The following CDK5RAP2 variants were observed in gnomAD, a reference collection of about 807,000 sequenced individuals.
CDK5RAP2 encodes CDK5 regulatory subunit-associated protein 2.
Under a neutral mutation model 232.9 loss-of-function variants are expected in CDK5RAP2, and 147 were observed. That is an observed-to-expected ratio of 0.63 (90% CI 0.55 to 0.72). The LOEUF is 0.72. Among genes scored for constraint, CDK5RAP2 ranks in the 30% least tolerant of loss-of-function variants. The pLI is 0.00. For missense variants in CDK5RAP2, 2,195 were observed against 2,231.5 expected, an observed-to-expected ratio of 0.98 and a Z score of 0.33; for synonymous variants, 833 against 833.7, an observed-to-expected ratio of 1.00 and a Z score of 0.01.
chr9:120,555,327 G>A (rs1457338302), intron 3 of CDK5RAP2, among the ~76,000 whole-genome samples: 3 of 151,188 alleles, frequency 2.0e-5, no homozygotes, highest in Admixed American at 6.6e-5. Context: ...AAATAGAGAC[G>A]AGGTTTCACC....
Position 120,437,455 on chromosome 9 carries a change from G to A in CDK5RAP2, c.3795C>T (p.Gly1265=), listed in dbSNP as rs1482992913. The change falls in exon 25 of 38, where the codon GGC becomes GGT. Residue 1265 remains glycine (G), a synonymous_variant. Coordinates refer to ENST00000349780, the MANE Select transcript of CDK5RAP2 (RefSeq NM_018249.6). The part of the protein sequence containing the change: ...LQRQQIKDGH[G]ICVISRQHMN... ...TGTGTTGACGGGAGATGACACAGAT[G>A]CCATGGCCATCCTTAATCTGCTGCC... The A allele has an allele frequency of 1.9e-6, 3 of 1,614,118 alleles. No individual in the cohort carries two copies. The highest frequency in any genetic ancestry group is 2.5e-6 in the Non-Finnish European group (3 of 1,179,976).
At chr9:120,551,970 T>C (rs1325883032) in intron 3 of CDK5RAP2, among the ~76,000 whole-genome samples, 1 of 151,934 alleles carries the variant, frequency 6.6e-6, no homozygotes, top group African/African-American at 2.4e-5. Flanking sequence ...ATCCAGAATC[T>C]ACAATGAACT....
At chr9:120,558,265 C>A (rs1264737479) in intron 3 of CDK5RAP2, among the ~76,000 whole-genome samples, 1 of 137,258 alleles carries the variant, frequency 7.3e-6, no homozygotes, top group African/African-American at 2.7e-5. Context: ...CCCAGCTACT[C>A]CGGAGGCTGA....
intron 25 of CDK5RAP2, among the ~76,000 whole-genome samples, chr9:120,429,639 G>A (rs888592520): frequency 2.0e-5 from 3 of 152,142 alleles, no homozygotes; most frequent in Admixed American, 2.0e-4. Context: ...AACATTCCAT[G>A]CTCATGGGTA....
chr9:120,408,368 C>T lies in CDK5RAP2; in HGVS notation c.4705G>A (p.Glu1569Lys). 2 of 1,614,154 alleles carry T rather than the reference C, an allele frequency of 1.2e-6. No individual in the cohort carries two copies. Among genetic ancestry groups the T allele is most frequent in the Middle Eastern group, 3.3e-4 (2 of 6,034 alleles). The change falls in exon 31 of 38, where the codon GAA (glutamate) becomes AAA (lysine). Residue 1569 changes from glutamate (E) to lysine (K), a missense_variant. Glu to Lys is a moderately conservative substitution (Grantham distance 56). Transcript: ENST00000349780. ...VELKAYEKLD[E>K]EHRRLREASG... ...GTACCTCTCAGTCTCCTGTGCTCTT[C>T]ATCCAGCTTCTCATACGCCTTCAGC...
chr9:120,579,723 G>A (rs972481207), intron 1 of CDK5RAP2, among the ~76,000 whole-genome samples, 197 bp downstream of exon 1: 3 of 152,212 alleles, frequency 2.0e-5, no homozygotes, highest in African/African-American at 7.2e-5. Context: ...ACTGGCAATT[G>A]TGGTGCAGGT....
chr9:120,529,031 T>C, intron 8 of CDK5RAP2: 2 of 580,452 alleles, frequency 3.4e-6, no homozygotes, highest in Non-Finnish European at 6.2e-6. Flanking sequence ...CCACAGAGAG[T>C]AAACCACAGT....
At chr9:120,447,540 G>A (rs2036257764) in intron 22 of CDK5RAP2, among the ~76,000 whole-genome samples, 1 of 152,216 alleles carries the variant, frequency 6.6e-6, no homozygotes, top group South Asian at 2.1e-4. Context: ...ACCCTGCAAA[G>A]TGGACCCTCA....
chr9:120,443,583 G>A, intron 23 of CDK5RAP2, 37 bp downstream of exon 23: 1 of 1,611,888 alleles, frequency 6.2e-7, no homozygotes, highest in Non-Finnish European at 8.5e-7. Context: ...CCTGGCACAT[G>A]GAAGCTGTTC....
Position 120,518,587 on chromosome 9 carries a change from C to T in CDK5RAP2, c.1151G>A (p.Arg384His), listed in dbSNP as rs764922734. 1.6e-5 allele frequency: 26 copies of T among 1,613,524 alleles called. No individual in the cohort carries two copies. Among genetic ancestry groups the T allele is most frequent in the East Asian group, 6.7e-5 (3 of 44,852 alleles). Residue 384 changes from arginine (R) to histidine (H), a missense_variant, in exon 12 of 38, where the codon CGC becomes CAC. Arg to His is a conservative substitution (Grantham distance 29). Transcript: ENST00000349780. ...SGKEALSAALRSQNLTKSTEN... is the reference protein window; with the variant it reads ...SGKEALSAALHSQNLTKSTEN... ...TGTACTCTTGGTGAGGTTTTGTGAG[C>T]GCAGCGCAGCCGAAAGGGCTTCCTT...
At chr9:120,431,265 T>G (rs140998848) in intron 25 of CDK5RAP2, among the ~76,000 whole-genome samples, 2,555 of 152,126 alleles carry the variant, frequency 0.017, 37 homozygotes, top group Middle Eastern at 0.041. Flanking sequence ...AGTATAATAA[T>G]AAGAAGAAGA....
At chr9:120,504,641 G>A (rs897626525) in intron 12 of CDK5RAP2, among the ~76,000 whole-genome samples, 2 of 152,026 alleles carry the variant, frequency 1.3e-5, no homozygotes, top group African/African-American at 2.4e-5. Context: ...GTCTCTGCTC[G>A]GCATCCTTCA....
intron 25 of CDK5RAP2, among the ~76,000 whole-genome samples, chr9:120,423,426 T>G (rs2034690059): frequency 6.6e-6 from 1 of 152,128 alleles, no homozygotes; most frequent in African/African-American, 2.4e-5. Context: ...GGATTAAAAC[T>G]AGGAAAAGGA....
chr9:120,560,035 C>A (rs10818467), intron 3 of CDK5RAP2, among the ~76,000 whole-genome samples: 6 of 152,050 alleles, frequency 3.9e-5, no homozygotes, highest in African/African-American at 1.5e-4. Flanking sequence ...TGGCTATCCG[C>A]TTCAATGGCT....
chr9:120,547,808 C>T (rs542321547), intron 4 of CDK5RAP2, among the ~76,000 whole-genome samples: 1 of 152,326 alleles, frequency 6.6e-6, no homozygotes, highest in East Asian at 1.9e-4. Flanking sequence ...TCAGTGGCTC[C>T]TCACTTACTC....
chr9:120,548,521 G>C (rs1043877281), intron 4 of CDK5RAP2, among the ~76,000 whole-genome samples: 4 of 152,122 alleles, frequency 2.6e-5, no homozygotes, highest in African/African-American at 9.7e-5. Flanking sequence ...TATTAAAAAA[G>C]GCATCTTAGT....
chr9:120,517,940 T>C, intron 12 of CDK5RAP2: 1 of 257,770 alleles, frequency 3.9e-6, no homozygotes. Flanking sequence ...TGTACAAGGA[T>C]GTTTGCTGCA....
chr9:120,447,852 C>T (rs776781168), intron 22 of CDK5RAP2, 43 bp downstream of exon 22: 11 of 1,371,734 alleles, frequency 8.0e-6, no homozygotes, highest in African/African-American at 2.8e-5. Flanking sequence ...TCTATCGAGC[C>T]GTTTGTCTAG....
chr9:120,440,253 C>A, intron 23 of CDK5RAP2: 1 of 470,022 alleles, frequency 2.1e-6, no homozygotes, highest in Non-Finnish European at 3.9e-6. Flanking sequence ...AACCCACACA[C>A]ACACCCCCTA....
Sources: gnomAD v4.1 joint callset for allele counts (sites outside exome capture counted in the v4.1 genomes callset) on GRCh38, gnomAD v4.1.1 for gene constraint, MANE v1.5 for transcripts, NCBI Gene and HGNC (gene_info 2026-07-23, HGNC 2026-07-21) for gene names.